The following SIPA1L1 variants were observed in gnomAD, a reference collection of about 807,000 sequenced individuals.
The protein encoded by SIPA1L1 is signal induced proliferation associated 1 like 1, also known as signal-induced proliferation-associated 1-like protein 1.
A neutral mutation model predicts 162.7 loss-of-function variants in SIPA1L1; 26 were observed. The observed-to-expected ratio is 0.16, with a 90% confidence interval of 0.12 to 0.22. SIPA1L1 has a LOEUF of 0.22. SIPA1L1 is among the 10% of genes least tolerant of loss of function. SIPA1L1 has a pLI of 1.00. For synonymous variants in SIPA1L1, 829 were observed against 837.4 expected (o/e 0.99, Z 0.17); for missense variants, 1,874 against 2,241.0 (o/e 0.84, Z 3.31).
intron 12 of SIPA1L1, among the ~76,000 whole-genome samples, chr14:71,679,397 C>T (rs2045551616): frequency 6.6e-6 from 1 of 152,182 alleles, no homozygotes; most frequent in Non-Finnish European, 1.5e-5. Context: ...GAGATTTTGT[C>T]ACCACCAGGC....
Position 71,457,738 on chromosome 14 carries a change from G to A in SIPA1L1, c.-464-55005G>A, listed in dbSNP as rs145554603. ...GCCTCCTAAGTAGCTGGGATTACAG[G>A]TGCATGCCACCACACCCAACTAATT... On this transcript the variant is annotated intron_variant, in intron 2 of 23. Transcript: ENST00000381232. Among the ~76,000 whole-genome samples the A allele has an allele frequency of 1.4e-3, 210 of 152,072 alleles. 1 individual carries two copies. Among genetic ancestry groups the A allele is most frequent in the Non-Finnish European group, 2.5e-3 (167 of 68,006 alleles).
At chr14:71,731,339 C>G (rs1294100262) in intron 20 of SIPA1L1, among the ~76,000 whole-genome samples, 4 of 152,146 alleles carry the variant, frequency 2.6e-5, no homozygotes, top group African/African-American at 9.7e-5. Context: ...CTTAAATCTC[C>G]TTAAATAAAG....
At chr14:71,562,904 C>T (rs2056906382) in intron 4 of SIPA1L1, among the ~76,000 whole-genome samples, 1 of 152,174 alleles carries the variant, frequency 6.6e-6, no homozygotes, top group Non-Finnish European at 1.5e-5. Context: ...ATCCGCCCGC[C>T]TCGGCTTCCC....
At chr14:71,516,783 G>T (rs979350697) in intron 3 of SIPA1L1, among the ~76,000 whole-genome samples, 1 of 151,884 alleles carries the variant, frequency 6.6e-6, no homozygotes, top group Non-Finnish European at 1.5e-5. Context: ...GACCAGCCTG[G>T]CCAACATGGC....
At chr14:71,485,266 C>T (rs569092952) in intron 2 of SIPA1L1, among the ~76,000 whole-genome samples, 67 of 152,342 alleles carry the variant, frequency 4.4e-4, no homozygotes, top group Admixed American at 9.1e-4. Context: ...ACCAGATATT[C>T]ATTTAGAGAA....
intron 2 of SIPA1L1, among the ~76,000 whole-genome samples, chr14:71,509,864 A>G (rs2050978868): frequency 6.6e-6 from 1 of 152,186 alleles, no homozygotes; most frequent in Admixed American, 6.5e-5. Flanking sequence ...TTAAAGCAGA[A>G]GAGACAGGAA....
Position 71,657,332 on chromosome 14 carries a change from A to G in SIPA1L1, c.1994-1001A>G, listed in dbSNP as rs1041549101. 3.0e-5 allele frequency among the ~76,000 whole-genome samples: 4 copies of G among 135,358 alleles called. 1 individual carries two copies. The South Asian group carries it at 9.9e-4, about 34-fold the overall frequency. The allele number at this position is 135,358 out of a possible 152,430, so 88.8% of individuals were successfully genotyped here. A position where few individuals can be genotyped will look rare whatever the true frequency, so the allele number is the denominator to read the frequency against. ...CATTGTACTCCAGCCTGGGCGACAG[A>G]GTGAGACTGTCTCAAAAAAAAAAAA... On this transcript the variant is annotated intron_variant, in intron 8 of 23. Coordinates refer to ENST00000381232, the MANE Select transcript of SIPA1L1 (RefSeq NM_001386936.1).
chr14:71,626,473 C>G (rs2039999388), intron 7 of SIPA1L1, among the ~76,000 whole-genome samples: 1 of 152,070 alleles, frequency 6.6e-6, no homozygotes, highest in African/African-American at 2.4e-5. Context: ...GGCTTTTAGT[C>G]TTGGGAGTAA....
intron 2 of SIPA1L1, among the ~76,000 whole-genome samples, chr14:71,453,689 C>T (rs139247887): frequency 2.2e-4 from 34 of 152,136 alleles, no homozygotes; most frequent in African/African-American, 7.7e-4. Context: ...TGAAGTATTG[C>T]ATTAGAAATC....
intron 22 of SIPA1L1, among the ~76,000 whole-genome samples, chr14:71,737,568 C>G (rs1442774672): frequency 5.3e-5 from 8 of 152,050 alleles, no homozygotes; most frequent in Admixed American, 5.2e-4. Flanking sequence ...CCTGCCGTAC[C>G]CCAGCTCACA....
intron 2 of SIPA1L1, among the ~76,000 whole-genome samples, chr14:71,385,539 A>G (rs1323715987): frequency 6.6e-6 from 1 of 152,116 alleles, no homozygotes; most frequent in Non-Finnish European, 1.5e-5. Flanking sequence ...ATATTTAAAT[A>G]TTTCTAGTTG....
intron 14 of SIPA1L1, among the ~76,000 whole-genome samples, chr14:71,699,799 G>A (rs1203336251): frequency 2.0e-5 from 3 of 152,198 alleles, no homozygotes; most frequent in African/African-American, 7.2e-5. Context: ...CCCATTTTGA[G>A]GAAGATATTT....
chr14:71,617,039 A>G (rs1385964095), intron 5 of SIPA1L1, among the ~76,000 whole-genome samples: 1 of 152,206 alleles, frequency 6.6e-6, no homozygotes, highest in East Asian at 1.9e-4. Flanking sequence ...TCTACTGTTG[A>G]TCTGTGCTGC....
Position 71,502,251 on chromosome 14 carries a change from AAAAAATATATATAT to A in SIPA1L1, c.-464-10490_-464-10477del, listed in dbSNP as rs1403953779. 4.9e-4 allele frequency among the ~76,000 whole-genome samples: 30 copies of A among 60,952 alleles called. 1 individual carries two copies. The allele number at this position is 60,952 out of a possible 152,430, so 40.0% of individuals were successfully genotyped here. On this transcript the variant is annotated intron_variant, in intron 2 of 23. Transcript: ENST00000381232. ...AGCCTTTGAGATACTTGAAAAAAAAAAAAAATATATATATATATATATATATATTTGAGACAGAG... is the reference window on the plus strand; with the variant it reads ...AGCCTTTGAGATACTTGAAAAAAAAAATATATATATATATTTGAGACAGAG...
At chr14:71,564,107 T>C (rs1461950052) in intron 4 of SIPA1L1, among the ~76,000 whole-genome samples, 1 of 152,076 alleles carries the variant, frequency 6.6e-6, no homozygotes, top group African/African-American at 2.4e-5. Context: ...CCAGCATGCC[T>C]GGCCAATTTT....
intron 2 of SIPA1L1, among the ~76,000 whole-genome samples, chr14:71,436,265 T>C (rs946330926): frequency 2.0e-5 from 3 of 152,234 alleles, no homozygotes; most frequent in African/African-American, 7.2e-5. Context: ...ATTTTTGCTA[T>C]ATATGAATTT....
intron 7 of SIPA1L1, among the ~76,000 whole-genome samples, chr14:71,632,131 C>A (rs1285452796): frequency 2.6e-5 from 4 of 152,174 alleles, no homozygotes; most frequent in Non-Finnish European, 5.9e-5. Context: ...TCTCTGCGTT[C>A]TTCCTGCTAG....
chr14:71,599,840 G>A (rs868811250), intron 5 of SIPA1L1, among the ~76,000 whole-genome samples: 2 of 151,750 alleles, frequency 1.3e-5, no homozygotes, highest in Non-Finnish European at 2.9e-5. Flanking sequence ...TCTCATTGTG[G>A]TTTTGCTTTG....
chr14:71,522,479 G>C (rs759723829), intron 3 of SIPA1L1, among the ~76,000 whole-genome samples: 1 of 152,214 alleles, frequency 6.6e-6, no homozygotes, highest in Non-Finnish European at 1.5e-5. Flanking sequence ...TGGAATATTT[G>C]TAGTATACTT....
Sources: allele counts gnomAD v4.1 joint callset (sites outside exome capture counted in the v4.1 genomes callset), GRCh38; gene constraint gnomAD v4.1.1; transcripts MANE v1.5; gene names NCBI Gene and HGNC (gene_info 2026-07-23, HGNC 2026-07-21).